DMD: variants seen among roughly 807,000 people sequenced by gnomAD.
DMD encodes mutant dystrophin.
Under a neutral mutation model 330.1 loss-of-function variants are expected in DMD, and 63 were observed. The observed-to-expected ratio is 0.19, with a 90% confidence interval of 0.16 to 0.24. The LOEUF is 0.24. Ranked by LOEUF, DMD falls within the 10% of genes least tolerant of loss-of-function variation. The pLI, the probability that DMD is intolerant of heterozygous loss-of-function variation, is 1.00. For synonymous variants in DMD, 1,223 were observed against 959.8 expected, an observed-to-expected ratio of 1.27 and a Z score of -5.07; for missense variants, 3,344 against 2,684.1, an observed-to-expected ratio of 1.25 and a Z score of -5.43.
At chrX:32,198,953 G>A (rs887418322) in intron 44 of DMD, among the ~76,000 whole-genome samples, 7 of 112,564 alleles carry the variant, frequency 6.2e-5, no homozygotes, top group Non-Finnish European at 1.3e-4. Context: ...AGATAAAACA[G>A]TTTTGCAATC....
intron 52 of DMD, among the ~76,000 whole-genome samples, chrX:31,687,923 T>G (rs996737752): frequency 2.5e-4 from 28 of 111,283 alleles, no homozygotes; most frequent in African/African-American, 8.5e-4. Context: ...TGTTGGTATC[T>G]TTCTCTGTTT....
intron 7 of DMD, among the ~76,000 whole-genome samples, chrX:32,793,933 T>C (rs775827698): frequency 3.7e-4 from 41 of 111,154 alleles, no homozygotes; most frequent in African/African-American, 1.2e-3. Context: ...CAGACAATTA[T>C]GCAACAAAAA....
intron 4 of DMD, among the ~76,000 whole-genome samples, chrX:32,832,408 A>G (rs942369648): frequency 1.8e-5 from 2 of 111,387 alleles, no homozygotes; most frequent in Non-Finnish European, 3.8e-5. Flanking sequence ...ATGTACTTCC[A>G]CCATCTATTT....
At chrX:31,959,577 T>A (rs1220457578) in intron 45 of DMD, among the ~76,000 whole-genome samples, 1 of 111,426 alleles carries the variant, frequency 9.0e-6, no homozygotes, top group Non-Finnish European at 1.9e-5. Flanking sequence ...AAGTTAAGCA[T>A]ATTACTTTTT....
chrX:31,947,530 C>A (rs1452549923), intron 45 of DMD, among the ~76,000 whole-genome samples: 1 of 112,284 alleles, frequency 8.9e-6, no homozygotes, highest in Non-Finnish European at 1.9e-5. Flanking sequence ...GTTTGACTTA[C>A]AATTTTGAAG....
intron 74 of DMD, among the ~76,000 whole-genome samples, chrX:31,163,386 G>C (rs1297818782): frequency 1.8e-5 from 2 of 111,555 alleles, no homozygotes; most frequent in East Asian, 5.6e-4. Context: ...CCATGATTGT[G>C]AGGCCTTCCC....
chrX:32,603,941 T>C (rs1298700646), intron 12 of DMD, among the ~76,000 whole-genome samples: 2 of 111,142 alleles, frequency 1.8e-5, no homozygotes, highest in African/African-American at 6.5e-5. Flanking sequence ...CTGGTACCAA[T>C]CCTATTGTAA....
chrX:32,582,255 C>G (rs905855419), intron 13 of DMD, among the ~76,000 whole-genome samples: 2 of 110,982 alleles, frequency 1.8e-5, no homozygotes, highest in Non-Finnish European at 3.8e-5. Context: ...ATATGTACAT[C>G]TGAATAATAC....
At chrX:33,262,187 C>A (rs1282389890) in intron 1 of DMD, among the ~76,000 whole-genome samples, 4 of 111,109 alleles carry the variant, frequency 3.6e-5, no homozygotes, top group African/African-American at 1.3e-4. Flanking sequence ...GTAAATGAAT[C>A]AATTTTAAAG....
chrX:32,177,981 A>G (rs774468164), intron 44 of DMD, among the ~76,000 whole-genome samples: 4 of 110,851 alleles, frequency 3.6e-5, no homozygotes, highest in Admixed American at 9.8e-5. Flanking sequence ...GGATAGGGAT[A>G]TATGATAACT....
intron 51 of DMD, among the ~76,000 whole-genome samples, chrX:31,745,958 C>T (rs780810663): frequency 9.0e-6 from 1 of 111,343 alleles, no homozygotes; most frequent in Admixed American, 9.6e-5. Context: ...GCCCTTAATA[C>T]GTATTGCTGC....
At chrX:32,213,764 C>T (rs1177468359) in intron 44 of DMD, among the ~76,000 whole-genome samples, 1 of 104,550 alleles carries the variant, frequency 9.6e-6, no homozygotes, top group African/African-American at 3.3e-5. Flanking sequence ...CACCTGAGGT[C>T]GGAGATCTAG....
chrX:32,129,765 A>G (rs1185390974), intron 44 of DMD, among the ~76,000 whole-genome samples: 4 of 106,358 alleles, frequency 3.8e-5, no homozygotes, highest in Non-Finnish European at 7.7e-5. Context: ...GAAAATTGGT[A>G]ATTCTACAGA....
chrX:32,462,699 T>C (rs1014112963), intron 25 of DMD, among the ~76,000 whole-genome samples: 1 of 111,440 alleles, frequency 9.0e-6, no homozygotes, highest in Non-Finnish European at 1.9e-5. Flanking sequence ...CTCACACCTA[T>C]AATTCCAGCA....
At chrX:31,824,188 T>TG (rs943565510) in intron 49 of DMD, among the ~76,000 whole-genome samples, 5 of 111,929 alleles carry the variant, frequency 4.5e-5, no homozygotes, top group African/African-American at 1.6e-4. Context: ...TGCTGCATTG[T>TG]GGGGAATTGA....
intron 59 of DMD, among the ~76,000 whole-genome samples, chrX:31,467,701 C>A (rs7066423): frequency 0.088 from 9,796 of 111,267 alleles, 326 homozygotes; most frequent in East Asian, 0.19. Context: ...GGGAGGAGTC[C>A]CTCTTTTCCT....
rs1167550498 is a variant in DMD, at chrX:31,559,640, C to CAAAAAAAAAAA, written c.8218-52198_8218-52188dup. On this transcript the variant is annotated intron_variant, in intron 55 of 78. Transcript: ENST00000357033. The stretch of plus-strand genomic sequence containing the variant: ...TGGGCGACAGAGCGAAACTCCGTCT[C>CAAAAAAAAAAA]AAAAAAAAAAAAAAAAAAAAAAAAA... Among the ~76,000 whole-genome samples the CAAAAAAAAAAA allele has an allele frequency of 5.1e-4, 11 of 21,638 alleles. 1 individual carries two copies. The highest frequency in any genetic ancestry group is 5.4e-4 in the African/African-American group (4 of 7,463). 18.8% of individuals were successfully genotyped at this position (21,638 alleles called of 115,157 possible). A position where few individuals can be genotyped will look rare whatever the true frequency, so the allele number is the denominator to read the frequency against.
intron 62 of DMD, among the ~76,000 whole-genome samples, chrX:31,269,387 G>A (rs1199980954): frequency 9.0e-6 from 1 of 110,527 alleles, no homozygotes; most frequent in Non-Finnish European, 1.9e-5. Flanking sequence ...TATGAACCAC[G>A]GACATGAAAA....
At chrX:32,348,969 T>C (rs1435414385) in intron 37 of DMD, among the ~76,000 whole-genome samples, 2 of 111,763 alleles carry the variant, frequency 1.8e-5, no homozygotes, top group Non-Finnish European at 3.8e-5. Flanking sequence ...TTAGAAAAAC[T>C]ACATGGCAAT....
Sources: allele counts gnomAD v4.1 joint callset (sites outside exome capture counted in the v4.1 genomes callset), GRCh38; gene constraint gnomAD v4.1.1; transcripts MANE v1.5; gene names NCBI Gene and HGNC (gene_info 2026-07-23, HGNC 2026-07-21).